The following ACACA variants were observed in gnomAD, a reference collection of about 807,000 sequenced individuals.
ACACA encodes the protein acetyl-CoA carboxylase 1.
A neutral mutation model predicts 296.1 loss-of-function variants in ACACA; 103 were observed. The observed-to-expected ratio is 0.35, with a 90% confidence interval of 0.30 to 0.41. The LOEUF (loss-of-function observed/expected upper bound fraction) is 0.41, where lower values mean the gene tolerates loss of function less well. Among genes scored for constraint, ACACA ranks in the 10% least tolerant of loss-of-function variants. ACACA has a pLI of 1.00. For synonymous variants in ACACA, 953 were observed against 1,038.6 expected, an observed-to-expected ratio of 0.92 and a Z score of 1.58; for missense variants, 1,554 against 2,989.7, an observed-to-expected ratio of 0.52 and a Z score of 11.20.
intron 3 of ACACA, among the ~76,000 whole-genome samples, chr17:37,323,742 G>A (rs2047460135): frequency 6.6e-6 from 1 of 152,222 alleles, no homozygotes; most frequent in African/African-American, 2.4e-5. Context: ...GAGATAACCT[G>A]TTCCAACTGT....
In ACACA at chr17:37,233,160, C is replaced by T. The variant is rs902608720; in HGVS notation, c.3246+1815G>A. On this transcript the variant is annotated intron_variant, in intron 25 of 55. Transcript: ENST00000616317. ...AGGGCCCAACGCCTCTGCAGCACCC[C>T]CCGCGTAATTACACACTTGAGTGAC... 3.9e-5 allele frequency among the ~76,000 whole-genome samples: 6 copies of T among 152,308 alleles called. No homozygotes were observed. The East Asian group carries it at 1.2e-3, about 29-fold the overall frequency.
At chr17:37,207,628 T>C in intron 31 of ACACA, 29 bp downstream of exon 31, 1 of 1,613,424 alleles carries the variant, frequency 6.2e-7, no homozygotes, top group Middle Eastern at 1.7e-4. Flanking sequence ...TGGCTCCCCT[T>C]GTACAGACAT....
chr17:37,085,862 TTA>T lies in ACACA; in HGVS notation c.*1452_*1453del, dbSNP rs1222684690. The T allele has an allele frequency of 5.0e-6, 2 of 398,982 alleles. No homozygotes were observed. Among genetic ancestry groups the T allele is most frequent in the East Asian group, 7.1e-5 (2 of 28,098 alleles). The allele number at this position is 398,982 out of a possible 1,614,324, so 24.7% of individuals were successfully genotyped here. A position where few individuals can be genotyped will look rare whatever the true frequency, so the allele number is the denominator to read the frequency against. On this transcript the variant is annotated 3_prime_UTR_variant, in exon 56 of 56. Coordinates refer to ENST00000616317, the MANE Select transcript of ACACA (RefSeq NM_198834.3). ...TTCATACCACTGCTTCTCAAATGTC[TTA>T]GTGATTTCCTCCTTGGTCATCAGTG...
rs374759214 is a variant in ACACA at position 37,242,003 on chromosome 17, T to C, written c.2982A>G (p.Glu994=). 1.9e-5 allele frequency: 31 copies of C among 1,613,814 alleles called. No homozygotes were observed. Among genetic ancestry groups the C allele is most frequent in the Non-Finnish European group, 2.6e-5 (31 of 1,179,982 alleles). Residue 994 remains glutamate (E), a synonymous_variant, in exon 23 of 56, where the codon GAA becomes GAG. Transcript: ENST00000616317. The part of the protein sequence containing the change: ...SHAATLNRKS[E]REVFFMNTQS... ...GAGTATTCATAAAGAAGACTTCCCG[T>C]TCAGATTTCCGGTTCAATGTAGCTG...
intron 1 of ACACA, among the ~76,000 whole-genome samples, chr17:37,381,841 A>T (rs1013744669): frequency 1.3e-5 from 2 of 150,910 alleles, no homozygotes; most frequent in Admixed American, 6.6e-5. Flanking sequence ...GTTGGCCAGG[A>T]TGGTCTCGAT....
intron 13 of ACACA, 76 bp from the exon 14 acceptor site, chr17:37,257,942 T>A: frequency 6.5e-7 from 1 of 1,545,702 alleles, no homozygotes; most frequent in Middle Eastern, 1.7e-4. Flanking sequence ...TTGTTTAAGT[T>A]CTCTGTTAAT....
At chr17:37,349,399 CAT>C (rs943842799) in intron 1 of ACACA, among the ~76,000 whole-genome samples, 9 of 146,240 alleles carry the variant, frequency 6.2e-5, no homozygotes, top group Admixed American at 1.4e-4. Context: ...ATATATAAAA[CAT>C]ATATATAATA....
At chr17:37,174,007 TATATATATATATA>T (rs1275933326) in intron 41 of ACACA, among the ~76,000 whole-genome samples, 986 of 15,624 alleles carry the variant, frequency 0.063, 40 homozygotes, top group East Asian at 0.21. Context: ...TATATATATA[TATATATATATATA>T]TTTTTTTTTT....
At chr17:37,160,768 C>T (rs1430294310) in intron 42 of ACACA, among the ~76,000 whole-genome samples, 3 of 151,982 alleles carry the variant, frequency 2.0e-5, no homozygotes, top group African/African-American at 4.8e-5. Flanking sequence ...AAGGACTGAC[C>T]TTGGAGTTTA....
intron 1 of ACACA, chr17:37,360,431 A>C (rs1405406155): frequency 6.6e-6 from 1 of 152,170 alleles, no homozygotes; most frequent in Non-Finnish European, 1.5e-5. Context: ...ACAAGGAACA[A>C]TATTTATCTA....
At position 37,193,321 on chromosome 17, in the gene ACACA, C is replaced by T. The variant is rs17848771; in HGVS notation, c.4200+53G>A. 1.8e-3 allele frequency: 2,497 copies of T among 1,392,776 alleles called. 71 individuals are homozygous for T. The East Asian group carries it at 0.051, about 28-fold the overall frequency. The allele number at this position is 1,392,776 out of a possible 1,614,324, so 86.3% of individuals were successfully genotyped here. On this transcript the variant is annotated intron_variant, in intron 36 of 55. Transcript: ENST00000616317. ...ATGGCAAAGATAAGCCGCTCTTGGG[C>T]TTTTAAGAAAAAGTAATTTTTTTTT...
chr17:37,110,996 G>C (rs2073942886), intron 52 of ACACA, among the ~76,000 whole-genome samples: 1 of 152,134 alleles, frequency 6.6e-6, no homozygotes, highest in African/African-American at 2.4e-5. Flanking sequence ...ACAGAGCAAT[G>C]GCTGGAAGCA....
chr17:37,258,477 T>A (rs2081312899), intron 12 of ACACA, 104 bp from the exon 13 acceptor site: 1 of 1,067,256 alleles, frequency 9.4e-7, no homozygotes, highest in Admixed American at 2.0e-5. Flanking sequence ...AGCCACTCCC[T>A]AAAACATTCT....
At chr17:37,232,800 T>G (rs1374999021) in intron 25 of ACACA, among the ~76,000 whole-genome samples, 1 of 152,088 alleles carries the variant, frequency 6.6e-6, no homozygotes, top group East Asian at 1.9e-4. Context: ...AAGAAAAATG[T>G]AATGACACCA....
At chr17:37,236,972 T>G (rs188523951) in intron 24 of ACACA, among the ~76,000 whole-genome samples, 8 of 152,314 alleles carry the variant, frequency 5.3e-5, no homozygotes, top group African/African-American at 1.9e-4. Flanking sequence ...TAATAGAACA[T>G]CTCTAGTATC....
chr17:37,390,175 T>TATATATAC (rs60788220), intron 1 of ACACA, among the ~76,000 whole-genome samples: 100 of 44,492 alleles, frequency 2.2e-3, no homozygotes, highest in Non-Finnish European at 2.7e-3. Flanking sequence ...TATATATATA[T>TATATATAC]ACACACACAC....
At chr17:37,107,494 A>G (rs1472534043) in intron 52 of ACACA, among the ~76,000 whole-genome samples, 4 of 152,202 alleles carry the variant, frequency 2.6e-5, no homozygotes, top group East Asian at 1.9e-4. Flanking sequence ...ACAATGCTCC[A>G]TATCTGCACC....
intron 1 of ACACA, among the ~76,000 whole-genome samples, chr17:37,404,615 C>A (rs2051403618): frequency 7.1e-6 from 1 of 140,034 alleles, no homozygotes; most frequent in East Asian, 2.2e-4. Flanking sequence ...CACTCTGTTG[C>A]CCAGGCTTGA....
chr17:37,212,954 A>T (rs2078817871), intron 29 of ACACA, among the ~76,000 whole-genome samples: 1 of 151,960 alleles, frequency 6.6e-6, no homozygotes, highest in South Asian at 2.1e-4. Context: ...ATTGTATACG[A>T]GTCAAATATT....
Sources: gnomAD v4.1 joint callset for allele counts (sites outside exome capture counted in the v4.1 genomes callset) on GRCh38, gnomAD v4.1.1 for gene constraint, MANE v1.5 for transcripts, NCBI Gene and HGNC (gene_info 2026-07-23, HGNC 2026-07-21) for gene names.